Variants in ANP32B observed in about 807,000 individuals in gnomAD.
The protein encoded by ANP32B is acidic nuclear phosphoprotein 32 family member B.
ANP32B carries 6 observed loss-of-function variants against 32.2 expected under a neutral mutation model. The ratio of observed to expected loss-of-function variants is 0.19; its 90% CI spans 0.10 to 0.37. The LOEUF (loss-of-function observed/expected upper bound fraction) is 0.37. Ranked by LOEUF, ANP32B falls within the 10% of genes least tolerant of loss-of-function variation. The pLI is 1.00. For missense variants in ANP32B, 204 were observed against 289.2 expected, an observed-to-expected ratio of 0.71 and a Z score of 2.14; for synonymous variants, 98 against 105.8, an observed-to-expected ratio of 0.93 and a Z score of 0.45.
At chr9:98,015,256 T>C (rs1828254653) in intron 6 of ANP32B, 108 bp from the exon 7 acceptor site, 2 of 1,467,194 alleles carry the variant, frequency 1.4e-6, no homozygotes, top group Non-Finnish European at 1.8e-6. Context: ...AAGTTTACAT[T>C]GTTTTATCTC....
Position 97,983,342 on chromosome 9 carries a change from T to C in ANP32B, c.-214T>C, listed in dbSNP as rs1827625754. 2.6e-5 allele frequency: 13 copies of C among 498,900 alleles called. No homozygotes were observed. The highest frequency in any genetic ancestry group is 4.1e-5 in the Admixed American group (1 of 24,306). The allele number at this position is 498,900 out of a possible 1,614,324, so 30.9% of individuals were successfully genotyped here. A position where few individuals can be genotyped will look rare whatever the true frequency, so the allele number is the denominator to read the frequency against. On this transcript the variant is annotated 5_prime_UTR_variant, in exon 1 of 7. Transcript: ENST00000339399. ...AGCCCAGCGCTGCGCTCCAGCCCCC[T>C]TTTCCCTCCATGGTTTCTCTCCGCT...
At chr9:97,993,022 C>G (rs1827853858) in intron 1 of ANP32B, among the ~76,000 whole-genome samples, 1 of 152,156 alleles carries the variant, frequency 6.6e-6, no homozygotes, top group South Asian at 2.1e-4. Flanking sequence ...GTCTCCAGAG[C>G]CCAGCTTTTG....
At chr9:97,983,731 TCGGACGGGGAAGGCGGGCGGGCG>T (rs1827640046) in intron 1 of ANP32B, 122 bp downstream of exon 1, 1 of 717,792 alleles carries the variant, frequency 1.4e-6, no homozygotes, top group African/African-American at 1.9e-5. Context: ...GCTCGTGGGC[TCGGACGGGGAAGGCGGGCGGGCG>T]CGGAGGGGGG....
At chr9:98,005,246 A>T in intron 4 of ANP32B, 93 bp downstream of exon 4, 1 of 1,319,794 alleles carries the variant, frequency 7.6e-7, no homozygotes, top group Non-Finnish European at 1.0e-6. Flanking sequence ...GTGGCACACA[A>T]CCGTAATCCC....
intron 1 of ANP32B, among the ~76,000 whole-genome samples, chr9:97,989,639 C>T (rs951016006): frequency 2.0e-4 from 30 of 152,056 alleles, no homozygotes; most frequent in African/African-American, 7.0e-4. Context: ...TGATTAGGAC[C>T]TCTGGTTTAT....
intron 4 of ANP32B, among the ~76,000 whole-genome samples, chr9:98,009,514 C>G (rs1259585984): frequency 6.6e-6 from 1 of 152,218 alleles, no homozygotes; most frequent in African/African-American, 2.4e-5. Flanking sequence ...CACCTTAGAT[C>G]AGGCATTAGA....
intron 6 of ANP32B, among the ~76,000 whole-genome samples, chr9:98,013,969 C>T (rs1029680930): frequency 1.3e-5 from 2 of 152,046 alleles, no homozygotes; most frequent in South Asian, 2.1e-4. Context: ...ATAGTGCCAC[C>T]GCACTCCAGC....
intron 4 of ANP32B, 142 bp downstream of exon 4, chr9:98,005,295 C>A: frequency 1.4e-6 from 1 of 691,246 alleles, no homozygotes. Context: ...ATTGCTTGAG[C>A]CCAGGAGTTT....
intron 1 of ANP32B, among the ~76,000 whole-genome samples, chr9:97,989,323 C>T (rs1004449045): frequency 6.6e-6 from 1 of 152,060 alleles, no homozygotes; most frequent in Non-Finnish European, 1.5e-5. Context: ...CTACTGTTTG[C>T]TGGTAACTGT....
chr9:98,008,337 C>G (rs1828122903), intron 4 of ANP32B, among the ~76,000 whole-genome samples: 1 of 152,160 alleles, frequency 6.6e-6, no homozygotes, highest in East Asian at 1.9e-4. Flanking sequence ...TGCATGATCA[C>G]CTATCTCAGC....
At chr9:98,009,267 T>C (rs1222264838) in intron 4 of ANP32B, among the ~76,000 whole-genome samples, 1 of 152,234 alleles carries the variant, frequency 6.6e-6, no homozygotes, top group Non-Finnish European at 1.5e-5. Flanking sequence ...TTTTAAGAAA[T>C]AACTAATACT....
At chr9:97,992,194 AT>A (rs1169799194) in intron 1 of ANP32B, among the ~76,000 whole-genome samples, 5 of 152,180 alleles carry the variant, frequency 3.3e-5, no homozygotes, top group South Asian at 4.1e-4. Context: ...GGTTCAAGCA[AT>A]TCTCCTGCCT....
intron 1 of ANP32B, among the ~76,000 whole-genome samples, chr9:97,988,768 CATT>C (rs1245756696): frequency 2.6e-5 from 4 of 152,054 alleles, no homozygotes; most frequent in Admixed American, 6.6e-5. Context: ...AATTTAGAAA[CATT>C]ATTTTAAAAT....
intron 1 of ANP32B, among the ~76,000 whole-genome samples, chr9:97,991,103 GT>G (rs1827818387): frequency 6.7e-6 from 1 of 150,286 alleles, no homozygotes; most frequent in South Asian, 2.1e-4. Flanking sequence ...GATTATAGAC[GT>G]GAGCCACCGT....
In ANP32B at chr9:98,012,722, G is replaced by GGGT. The variant is rs942174470; in HGVS notation, c.688+270_688+272dup. Among the ~76,000 whole-genome samples, 50 of 152,062 alleles carry GGGT rather than the reference G, an allele frequency of 3.3e-4. 1 individual carries two copies. The highest frequency in any genetic ancestry group is 3.4e-3 in the Middle Eastern group (1 of 294). On this transcript the variant is annotated intron_variant, in intron 6 of 6. Coordinates refer to ENST00000339399, the MANE Select transcript of ANP32B (RefSeq NM_006401.3). ...TTCAGTCCTCATGGGGTTTTTTTCG[G>GGGT]GGTGGTGGTGGTGGTGGTGGTGTTT...
Position 98,015,742 on chromosome 9 carries a change from C to A in ANP32B, c.*311C>A. 1 of 1,021,510 alleles carries A rather than the reference C, an allele frequency of 9.8e-7. No homozygotes were observed. Among genetic ancestry groups the A allele is most frequent in the Non-Finnish European group, 1.2e-6 (1 of 853,092 alleles). The allele number at this position is 1,021,510 out of a possible 1,614,324, so 63.3% of individuals were successfully genotyped here. A position where few individuals can be genotyped will look rare whatever the true frequency, so the allele number is the denominator to read the frequency against. ...GTCAACCGTCTGTGGCTACCAGTTA[C>A]ACTGAGATTGTAACAGCATTTTTAC... On this transcript the variant is annotated 3_prime_UTR_variant, in exon 7 of 7. Transcript: ENST00000339399.
intron 1 of ANP32B, among the ~76,000 whole-genome samples, chr9:97,985,572 A>AT (rs1287037351): frequency 6.6e-6 from 1 of 152,234 alleles, no homozygotes; most frequent in Admixed American, 6.5e-5. Flanking sequence ...TCCGTAGAAT[A>AT]TGGAGTAGCT....
intron 3 of ANP32B, among the ~76,000 whole-genome samples, chr9:98,003,340 G>A (rs903068504): frequency 3.9e-5 from 6 of 152,206 alleles, no homozygotes; most frequent in African/African-American, 9.7e-5. Flanking sequence ...AGTTCTTCAT[G>A]TGCAGGGGTC....
intron 2 of ANP32B, among the ~76,000 whole-genome samples, chr9:97,997,751 G>A (rs1231235734): frequency 6.6e-6 from 1 of 152,230 alleles, no homozygotes; most frequent in Non-Finnish European, 1.5e-5. Context: ...GTGTAGCTGA[G>A]TTTTCTTGTT....
Sources: allele counts gnomAD v4.1 joint callset (sites outside exome capture counted in the v4.1 genomes callset), GRCh38; gene constraint gnomAD v4.1.1; transcripts MANE v1.5; gene names NCBI Gene and HGNC (gene_info 2026-07-23, HGNC 2026-07-21).